The following KDM1B variants were observed in gnomAD, a reference collection of about 807,000 sequenced individuals.
The protein encoded by KDM1B is lysine demethylase 1B.
A neutral mutation model predicts 107.4 loss-of-function variants in KDM1B; 63 were observed. The observed-to-expected ratio is 0.59, with a 90% CI of 0.48 to 0.72. The LOEUF (loss-of-function observed/expected upper bound fraction) is 0.72, where lower values mean the gene tolerates loss of function less well. KDM1B is among the 30% of genes least tolerant of loss of function. The pLI is 0.00. For synonymous variants in KDM1B, 363 were observed against 363.9 expected, an observed-to-expected ratio of 1.00 and a Z score of 0.03; for missense variants, 749 against 1,020.8, an observed-to-expected ratio of 0.73 and a Z score of 3.63.
chr6:18,194,134 C>T (rs1024960221), intron 10 of KDM1B, among the ~76,000 whole-genome samples: 4 of 152,034 alleles, frequency 2.6e-5, no homozygotes, highest in African/African-American at 9.7e-5. Flanking sequence ...GCCTCAGCCT[C>T]CCAAAGTGCT....
At chr6:18,206,943 G>A (rs1165590913) in intron 15 of KDM1B, among the ~76,000 whole-genome samples, 2 of 152,176 alleles carry the variant, frequency 1.3e-5, no homozygotes, top group Non-Finnish European at 2.9e-5. Context: ...GAACTCCACG[G>A]ATGATTTCAG....
chr6:18,205,965 C>T lies in KDM1B; in HGVS notation c.1659+301C>T, dbSNP rs1390229915. On this transcript the variant is annotated intron_variant, in intron 15 of 21. Transcript: ENST00000650836. This position sits in a 1 kb window ranked among gnomAD's most constrained non-coding sequence, Gnocchi z 5.7. ...TGGGATCGCGCCACTGCACTCCAGC[C>T]TGGAGTCTCAAAATAAATAAATAAA... Among the ~76,000 whole-genome samples the T allele has an allele frequency of 6.6e-6, 1 of 151,884 alleles. No individual in the cohort carries two copies. Among genetic ancestry groups the T allele is most frequent in the Non-Finnish European group, 1.5e-5 (1 of 68,014 alleles).
rs554155812 is a variant in KDM1B, at chr6:18,185,304, C to CT, written c.535-453dup. 4.9e-3 allele frequency among the ~76,000 whole-genome samples: 704 copies of CT among 142,516 alleles called. 1 individual carries two copies. The highest frequency in any genetic ancestry group is 0.011 in the Middle Eastern group (3 of 278). The allele number at this position is 142,516 out of a possible 152,430, so 93.5% of individuals were successfully genotyped here. On this transcript the variant is annotated intron_variant, in intron 7 of 21. Coordinates refer to ENST00000650836, the MANE Select transcript of KDM1B (RefSeq NM_001364614.2). ...ATGTGCCTGTCTCCCCACACTCTCA[C>CT]TTTTTTTTTTTTTTTGAGATGGAGT...
At chr6:18,173,090 C>CAAA (rs70974708) in intron 7 of KDM1B, among the ~76,000 whole-genome samples, 4 of 126,428 alleles carry the variant, frequency 3.2e-5, no homozygotes, top group Admixed American at 1.6e-4. Context: ...AACTCCATCT[C>CAAA]AAAAAAAAAA....
intron 20 of KDM1B, 57 bp from the exon 21 acceptor site, chr6:18,217,676 C>A (rs990679116): frequency 5.3e-5 from 79 of 1,490,036 alleles, no homozygotes; most frequent in East Asian, 4.5e-5. Flanking sequence ...GTCACTGCGC[C>A]CTGCCATCTA....
chr6:18,222,375 C>G lies in KDM1B; in HGVS notation c.*383C>G, dbSNP rs907240032. 1 of 323,118 alleles carries G rather than the reference C, an allele frequency of 3.1e-6. No individual in the cohort carries two copies. The allele number at this position is 323,118 out of a possible 1,614,324, so 20.0% of individuals were successfully genotyped here. ...GAAACCAAGTCAATCAAGCAGGAAT[C>G]ATTTAAAAACCAGATAAAGCCATGT... On this transcript the variant is annotated 3_prime_UTR_variant, in exon 22 of 22. Coordinates refer to ENST00000650836, the MANE Select transcript of KDM1B (RefSeq NM_001364614.2).
chr6:18,160,124 C>T, intron 3 of KDM1B, 142 bp downstream of exon 3: 1 of 600,512 alleles, frequency 1.7e-6, no homozygotes. Context: ...ACGGTCATAA[C>T]ACAGTGTGAT....
At chr6:18,171,576 T>A in intron 7 of KDM1B, 97 bp downstream of exon 7, 1 of 738,548 alleles carries the variant, frequency 1.4e-6, no homozygotes, top group Non-Finnish European at 2.4e-6. Flanking sequence ...TTGATCATTC[T>A]GTCAAGGTTG....
intron 6 of KDM1B, among the ~76,000 whole-genome samples, chr6:18,170,944 C>T (rs1785617069): frequency 6.6e-6 from 1 of 152,112 alleles, no homozygotes; most frequent in Non-Finnish European, 1.5e-5. Context: ...CCTCAGCCTC[C>T]TGAGTAGCTG....
chr6:18,199,397 C>T (rs1325103367), intron 12 of KDM1B, among the ~76,000 whole-genome samples: 3 of 152,146 alleles, frequency 2.0e-5, no homozygotes, highest in African/African-American at 7.2e-5. Context: ...GAAATAGATT[C>T]CTCTGAGTAG....
rs1021752126 is a variant in KDM1B at position 18,209,583 on chromosome 6, T to C, written c.1866+1377T>C. Among the ~76,000 whole-genome samples the C allele has an allele frequency of 1.3e-5, 2 of 152,182 alleles. No individual in the cohort carries two copies. The highest frequency in any genetic ancestry group is 2.4e-5 in the African/African-American group (1 of 41,452). On this transcript the variant is annotated intron_variant, in intron 17 of 21. Transcript: ENST00000650836. This position sits in a 1 kb window ranked among gnomAD's most constrained non-coding sequence, Gnocchi z 4.3. ...GGCTGGAAAGCCCCACCCTGATGCG[T>C]TCTTGTTGAATTGGCCTCGCTTTTT...
intron 5 of KDM1B, among the ~76,000 whole-genome samples, chr6:18,164,096 T>C (rs546689121): frequency 5.5e-4 from 84 of 152,310 alleles, no homozygotes; most frequent in Non-Finnish European, 9.4e-4. Flanking sequence ...CAGATATGTC[T>C]ATTTTTCCTT....
Position 18,186,717 on chromosome 6 carries a change from A to C in KDM1B, c.573+907A>C, listed in dbSNP as rs1316272259. Among the ~76,000 whole-genome samples, 1 of 152,108 alleles carries C rather than the reference A, an allele frequency of 6.6e-6. No homozygotes were observed. Among genetic ancestry groups the C allele is most frequent in the African/African-American group, 2.4e-5 (1 of 41,416 alleles). On this transcript the variant is annotated intron_variant, in intron 8 of 21. Coordinates refer to ENST00000650836, the MANE Select transcript of KDM1B (RefSeq NM_001364614.2). The surrounding 1 kb of genome is among the most constrained non-coding windows in gnomAD (Gnocchi z 5.6). ...AGGAAACTTAGAATCATGGCAGAAGAGGAAGCAAATGTGTCCTTCATGATG... is the reference window on the plus strand; with the variant it reads ...AGGAAACTTAGAATCATGGCAGAAGCGGAAGCAAATGTGTCCTTCATGATG...
intron 21 of KDM1B, among the ~76,000 whole-genome samples, chr6:18,219,135 C>G (rs964735539): frequency 3.3e-5 from 5 of 152,140 alleles, no homozygotes; most frequent in African/African-American, 4.8e-5. Flanking sequence ...ATCTCCTGAC[C>G]TCGTGATCTG....
chr6:18,170,524 G>T (rs1785586261), intron 6 of KDM1B, among the ~76,000 whole-genome samples: 1 of 151,854 alleles, frequency 6.6e-6, no homozygotes, highest in African/African-American at 2.4e-5. Flanking sequence ...CTGTTTCCCG[G>T]GCTGGAGTGC....
intron 5 of KDM1B, among the ~76,000 whole-genome samples, chr6:18,165,303 T>A (rs1785225877): frequency 6.6e-6 from 1 of 151,834 alleles, no homozygotes; most frequent in Non-Finnish European, 1.5e-5. Flanking sequence ...GCTAATTTTT[T>A]GTATTTTTAG....
intron 2 of KDM1B, 119 bp downstream of exon 2, chr6:18,156,045 CGCGGGAGAA>C (rs1784574398): frequency 2.6e-5 from 4 of 152,112 alleles, no homozygotes; most frequent in Non-Finnish European, 4.4e-5. Context: ...CTGTCAGAGC[CGCGGGAGAA>C]CCCCACGGTC....
rs1242071297 is a variant in KDM1B, at chr6:18,186,099, A to C, written c.573+289A>C. On this transcript the variant is annotated intron_variant, in intron 8 of 21. Transcript: ENST00000650836. The surrounding 1 kb of genome is among the most constrained non-coding windows in gnomAD (Gnocchi z 5.6). ...TTGCTCTAGGGCTCAGGCTTGCTGT[A>C]CTTGTTTTTCAAGGATGACTTTGTG... Among the ~76,000 whole-genome samples the C allele has an allele frequency of 6.6e-6, 1 of 152,208 alleles. No individual in the cohort carries two copies. Among genetic ancestry groups the C allele is most frequent in the Non-Finnish European group, 1.5e-5 (1 of 68,022 alleles).
At chr6:18,161,936 CT>C (rs61056956) in intron 4 of KDM1B, among the ~76,000 whole-genome samples, 8,262 of 146,470 alleles carry the variant, frequency 0.056, 751 homozygotes, top group African/African-American at 0.19. Flanking sequence ...GTATGATCTT[CT>C]TTTTTTTTTT....
Sources: gnomAD v4.1 joint callset for allele counts (sites outside exome capture counted in the v4.1 genomes callset) on GRCh38, gnomAD v4.1.1 for gene constraint, Gnocchi (gnomAD v3.1) non-coding constraint, MANE v1.5 for transcripts, NCBI Gene and HGNC (gene_info 2026-07-23, HGNC 2026-07-21) for gene names.